Variants in SPATA17 observed in about 807,000 individuals in gnomAD.
SPATA17 encodes the protein spermatogenesis-associated protein 17.
Under a neutral mutation model 62.2 loss-of-function variants are expected in SPATA17, and 53 were observed. The ratio of observed to expected loss-of-function variants is 0.85; its 90% confidence interval spans 0.68 to 1.07. The LOEUF is 1.07. Among genes scored for constraint, SPATA17 ranks in the 50% least tolerant of loss-of-function variants. The pLI is 0.00. For missense variants in SPATA17, 466 were observed against 425.5 expected (o/e 1.10, Z -0.84); for synonymous variants, 146 against 146.8 (o/e 0.99, Z 0.04).
chr1:217,762,875 G>A (rs1017052174), intron 6 of SPATA17, among the ~76,000 whole-genome samples: 21 of 152,116 alleles, frequency 1.4e-4, no homozygotes, highest in African/African-American at 4.8e-4. Context: ...GGGAGGCTGA[G>A]GTGGGAGAAT....
At chr1:217,815,235 A>G (rs1471716038) in intron 9 of SPATA17, among the ~76,000 whole-genome samples, 5 of 152,206 alleles carry the variant, frequency 3.3e-5, no homozygotes, top group Admixed American at 6.5e-5. Flanking sequence ...TGAATAGGAA[A>G]TATACATTAT....
intron 9 of SPATA17, among the ~76,000 whole-genome samples, chr1:217,807,637 T>C (rs1674470279): frequency 6.6e-6 from 1 of 152,196 alleles, no homozygotes; most frequent in Non-Finnish European, 1.5e-5. Context: ...AATGTATATG[T>C]ATATTTATTG....
chr1:217,847,236 G>A (rs540131010), intron 9 of SPATA17, among the ~76,000 whole-genome samples: 26 of 151,874 alleles, frequency 1.7e-4, no homozygotes, highest in African/African-American at 6.0e-4. Context: ...TCATATTCTT[G>A]CAGTTGACTT....
chr1:217,811,660 T>C (rs999282293), intron 9 of SPATA17, among the ~76,000 whole-genome samples: 1 of 147,834 alleles, frequency 6.8e-6, no homozygotes, highest in Non-Finnish European at 1.5e-5. Flanking sequence ...GCCATTGCAC[T>C]CCAGCCTGGG....
At position 217,659,288 on chromosome 1, in the gene SPATA17, C is replaced by A. The variant is rs949147932; in HGVS notation, c.240+8110C>A. ...GGCTCTGAAGGTCAAGGAAATGACACTTCAGCTAACCCTTGGGAAGAAAAC... is the reference window on the plus strand; with the variant it reads ...GGCTCTGAAGGTCAAGGAAATGACAATTCAGCTAACCCTTGGGAAGAAAAC... On this transcript the variant is annotated intron_variant, in intron 3 of 10. Transcript: ENST00000366933. Among the ~76,000 whole-genome samples, 7 of 151,742 alleles carry A rather than the reference C, an allele frequency of 4.6e-5. 1 individual carries two copies. The highest frequency in any genetic ancestry group is 3.9e-4 in the Admixed American group (6 of 15,212).
intron 6 of SPATA17, among the ~76,000 whole-genome samples, chr1:217,770,560 G>A (rs1327899427): frequency 2.0e-5 from 3 of 152,052 alleles, no homozygotes; most frequent in African/African-American, 7.2e-5. Context: ...TGGTAACAAA[G>A]AGAAGAGAAA....
intron 10 of SPATA17, among the ~76,000 whole-genome samples, chr1:217,864,967 G>A (rs1410510962): frequency 6.6e-6 from 1 of 151,758 alleles, no homozygotes; most frequent in East Asian, 1.9e-4. Flanking sequence ...TTTAATATTT[G>A]CCAGCTCTTC....
intron 10 of SPATA17, among the ~76,000 whole-genome samples, chr1:217,863,176 G>T (rs1675934680): frequency 1.5e-5 from 2 of 130,962 alleles, no homozygotes; most frequent in Non-Finnish European, 3.1e-5. Context: ...AGGCTGGAAT[G>T]CAGTGGCGTG....
chr1:217,804,206 C>T (rs1334360345), intron 9 of SPATA17, among the ~76,000 whole-genome samples: 1 of 152,054 alleles, frequency 6.6e-6, no homozygotes, highest in Non-Finnish European at 1.5e-5. Context: ...AAAAAATAGA[C>T]ACATCAAACA....
rs888582294 is a variant in SPATA17, at chr1:217,785,681, G to C, written c.872+3359G>C. Among the ~76,000 whole-genome samples, 4 of 152,038 alleles carry C rather than the reference G, an allele frequency of 2.6e-5. No homozygotes were observed. The East Asian group carries it at 7.7e-4, about 29-fold the overall frequency. On this transcript the variant is annotated intron_variant, in intron 8 of 10. Coordinates refer to ENST00000366933, the MANE Select transcript of SPATA17 (RefSeq NM_138796.4). ...AATAAGGTAACATGTTGAGGTACTG[G>C]GTGTTAGGAATTCAGCATATAAATT... is the stretch of plus-strand genomic sequence containing the variant.
chr1:217,827,637 G>A lies in SPATA17; in HGVS notation c.1005+25787G>A, dbSNP rs111427035. The stretch of plus-strand genomic sequence containing the variant: ...GCAAAGACATGGAATCAACCCAAAT[G>A]CCCATCAGTGATAGACTGGATAAAG... On this transcript the variant is annotated intron_variant, in intron 9 of 10. Coordinates refer to ENST00000366933, the MANE Select transcript of SPATA17 (RefSeq NM_138796.4). Among the ~76,000 whole-genome samples, 333 of 152,190 alleles carry A rather than the reference G, an allele frequency of 2.2e-3. 1 individual carries two copies. The highest frequency in any genetic ancestry group is 3.9e-3 in the Non-Finnish European group (266 of 68,004).
intron 4 of SPATA17, among the ~76,000 whole-genome samples, chr1:217,681,010 C>A (rs902585235): frequency 6.8e-6 from 1 of 148,148 alleles, no homozygotes; most frequent in Non-Finnish European, 1.5e-5. Context: ...AGGCAGATCA[C>A]GAGGTCAAGA....
At chr1:217,779,768 G>T (rs1673690036) in intron 7 of SPATA17, among the ~76,000 whole-genome samples, 4 of 152,102 alleles carry the variant, frequency 2.6e-5, no homozygotes, top group African/African-American at 9.6e-5. Flanking sequence ...ATGCCCAAAT[G>T]ATAATATTTG....
chr1:217,653,762 C>T (rs1193404719), intron 3 of SPATA17, among the ~76,000 whole-genome samples: 1 of 152,010 alleles, frequency 6.6e-6, no homozygotes, highest in Non-Finnish European at 1.5e-5. Flanking sequence ...TCTTCTTTTA[C>T]TTTTTCAATT....
intron 5 of SPATA17, among the ~76,000 whole-genome samples, chr1:217,741,103 A>C (rs1487076067): frequency 6.6e-6 from 1 of 152,216 alleles, no homozygotes; most frequent in African/African-American, 2.4e-5. Flanking sequence ...TGATTTATTT[A>C]AAACTTTACT....
At chr1:217,802,346 T>C (rs1189538576) in intron 9 of SPATA17, among the ~76,000 whole-genome samples, 2 of 152,212 alleles carry the variant, frequency 1.3e-5, no homozygotes, top group African/African-American at 4.8e-5. Context: ...TGCACTTTCA[T>C]AACAGGTACA....
At chr1:217,770,091 G>T (rs1445803974) in intron 6 of SPATA17, among the ~76,000 whole-genome samples, 1 of 152,144 alleles carries the variant, frequency 6.6e-6, no homozygotes, top group Non-Finnish European at 1.5e-5. Flanking sequence ...TTGGCCACTT[G>T]TACTTTACTA....
intron 1 of SPATA17, among the ~76,000 whole-genome samples, chr1:217,634,161 A>G (rs765073322): frequency 6.6e-6 from 1 of 152,184 alleles, no homozygotes; most frequent in African/African-American, 2.4e-5. Context: ...AGTTGTTGTA[A>G]CTTCCCAGTG....
At chr1:217,763,070 G>T (rs1309113176) in intron 6 of SPATA17, among the ~76,000 whole-genome samples, 3 of 152,198 alleles carry the variant, frequency 2.0e-5, no homozygotes, top group Non-Finnish European at 4.4e-5. Flanking sequence ...TTGAACATCA[G>T]TATTTTTCAA....
Sources: allele counts gnomAD v4.1 joint callset (sites outside exome capture counted in the v4.1 genomes callset), GRCh38; gene constraint gnomAD v4.1.1; transcripts MANE v1.5; gene names NCBI Gene and HGNC (gene_info 2026-07-23, HGNC 2026-07-21).